The following MAX variants were observed in gnomAD, a reference collection of about 807,000 sequenced individuals.
The protein encoded by MAX is MYC associated transcriptional regulator X, also known as protein max.
MAX carries 3 observed loss-of-function variants against 22.3 expected under a neutral mutation model. The ratio of observed to expected loss-of-function variants is 0.13; its 90% confidence interval spans 0.06 to 0.35. The LOEUF is 0.35. MAX is among the 10% of genes least tolerant of loss of function. MAX has a pLI of 1.00. For missense variants in MAX, 119 were observed against 209.4 expected, an observed-to-expected ratio of 0.57 and a Z score of 2.66; for synonymous variants, 72 against 77.7, an observed-to-expected ratio of 0.93 and a Z score of 0.39.
rs2062041708 is a variant in MAX, at chr14:65,029,546, A to G, written c.172-23262T>C. On this transcript the variant is annotated intron_variant, in intron 3 of 3. Coordinates refer to the MAX transcript ENST00000341653. This position sits in a 1 kb window ranked among gnomAD's most constrained non-coding sequence, Gnocchi z 4.7. The stretch of plus-strand genomic sequence containing the variant: ...AAATCACAGTGAACTCATAGCAAGC[A>G]CTATTTTTTCTCAGTTCTTAAGAAA... 6.6e-6 allele frequency among the ~76,000 whole-genome samples: 1 copy of G among 152,228 alleles called. No homozygotes were observed. Among genetic ancestry groups the G allele is most frequent in the Admixed American group, 6.5e-5 (1 of 15,284 alleles).
intron 3 of MAX, among the ~76,000 whole-genome samples, chr14:65,091,072 T>C (rs1191910064): frequency 2.0e-5 from 3 of 152,142 alleles, no homozygotes; most frequent in African/African-American, 7.2e-5. Flanking sequence ...GAGACCCAAA[T>C]CAAAGGCTTT....
In MAX at chr14:65,088,505, T is replaced by C. The variant is rs2063405548; in HGVS notation, c.171+5203A>G. Among the ~76,000 whole-genome samples the C allele has an allele frequency of 6.6e-6, 1 of 152,236 alleles. No individual in the cohort carries two copies. On this transcript the variant is annotated intron_variant, in intron 3 of 4. Coordinates refer to ENST00000358664, the MANE Select transcript of MAX (RefSeq NM_002382.5). The surrounding 1 kb of genome is among the most constrained non-coding windows in gnomAD (Gnocchi z 5.2). ...TTAATGAGTAATGAGGAGAAGTGGA[T>C]AGGGCTATAGTTTACATTTCATTTA...
At position 65,044,998 on chromosome 14, in the gene MAX, T is replaced by C. The variant is rs1472141737; in HGVS notation, c.172-38714A>G. On this transcript the variant is annotated intron_variant, in intron 3 of 3. Coordinates refer to the MAX transcript ENST00000341653. The surrounding 1 kb of genome is among the most constrained non-coding windows in gnomAD (Gnocchi z 5.5). ...TTAGAAATGTTTTATTTTACATTCA[T>C]TGAATAAGCCTAAATGGGAGTTTGT... is the stretch of plus-strand genomic sequence containing the variant. Among the ~76,000 whole-genome samples, 5 of 152,170 alleles carry C rather than the reference T, an allele frequency of 3.3e-5. No homozygotes were observed. Among genetic ancestry groups the C allele is most frequent in the Admixed American group, 6.5e-5 (1 of 15,274 alleles).
intron 3 of MAX, among the ~76,000 whole-genome samples, chr14:65,025,554 C>T (rs1007286743): frequency 6.6e-6 from 1 of 152,168 alleles, no homozygotes; most frequent in Non-Finnish European, 1.5e-5. Flanking sequence ...ATGGCTCACA[C>T]CTGTGACCTC....
chr14:65,042,848 C>T (rs113270262), intron 3 of MAX, among the ~76,000 whole-genome samples: 7 of 152,212 alleles, frequency 4.6e-5, no homozygotes, highest in African/African-American at 1.7e-4. Context: ...TAATGCTTAG[C>T]CCACTTCCAT....
At chr14:65,063,133 G>T (rs1301294147) in intron 3 of MAX, among the ~76,000 whole-genome samples, 1 of 152,192 alleles carries the variant, frequency 6.6e-6, no homozygotes, top group African/African-American at 2.4e-5. Context: ...CTCTTGGAGG[G>T]GAGAGAAGAT....
intron 3 of MAX, among the ~76,000 whole-genome samples, chr14:65,021,012 G>C (rs2061876712): frequency 6.6e-6 from 1 of 152,170 alleles, no homozygotes; most frequent in South Asian, 2.1e-4. Flanking sequence ...TTACAGATGT[G>C]AGCCACCGCA....
At chr14:65,083,717 G>C (rs2063252947) in intron 3 of MAX, 1 of 1,050,416 alleles carries the variant, frequency 9.5e-7, no homozygotes, top group Non-Finnish European at 1.2e-6. Flanking sequence ...CATATCTGGA[G>C]GGATGAAAAA....
intron 3 of MAX, among the ~76,000 whole-genome samples, chr14:65,021,580 G>A (rs1182017135): frequency 6.6e-6 from 1 of 152,118 alleles, no homozygotes; most frequent in Non-Finnish European, 1.5e-5. Flanking sequence ...TCCTCTACAG[G>A]ACGGTCCCTG....
Position 65,092,309 on chromosome 14 carries a change from G to A in MAX, c.171+1399C>T, listed in dbSNP as rs973548801. 1.1e-4 allele frequency among the ~76,000 whole-genome samples: 17 copies of A among 152,280 alleles called. No homozygotes were observed. In the East Asian group the frequency reaches 1.7e-3, roughly 16 times the overall value. ...ACCCCTTGAGAAACACTGCCCCAGTGCCACTCCTGGTTAGGTGAGACTTAG... is the reference window on the plus strand; with the variant it reads ...ACCCCTTGAGAAACACTGCCCCAGTACCACTCCTGGTTAGGTGAGACTTAG... On this transcript the variant is annotated intron_variant, in intron 3 of 4. Coordinates refer to ENST00000358664, the MANE Select transcript of MAX (RefSeq NM_002382.5).
chr14:65,011,465 G>C lies in MAX; in HGVS notation c.172-5181C>G, dbSNP rs921653725. On this transcript the variant is annotated intron_variant, in intron 3 of 3. Transcript: ENST00000341653. The surrounding 1 kb of genome is among the most constrained non-coding windows in gnomAD (Gnocchi z 4.0). ...AAAAAAAAAAAAAGACTGCATGAAG[G>C]CTCTTACTCTGAGCCAAGTACAGTG... 6.6e-6 allele frequency among the ~76,000 whole-genome samples: 1 copy of C among 151,152 alleles called. No homozygotes were observed.
At chr14:65,046,973 G>A (rs569999485) in intron 3 of MAX, among the ~76,000 whole-genome samples, 3 of 152,044 alleles carry the variant, frequency 2.0e-5, no homozygotes, top group African/African-American at 4.8e-5. Flanking sequence ...AAAAAGGTGC[G>A]AAAAATATTT....
At chr14:65,006,619 A>G (rs1865539564) in intron 3 of MAX, among the ~76,000 whole-genome samples, 1 of 152,122 alleles carries the variant, frequency 6.6e-6, no homozygotes, top group Non-Finnish European at 1.5e-5. Context: ...TGTACCCCCG[A>G]TGACTCACCC....
chr14:65,066,961 A>G (rs2062937122), intron 3 of MAX, among the ~76,000 whole-genome samples: 1 of 151,562 alleles, frequency 6.6e-6, no homozygotes, highest in South Asian at 2.1e-4. Context: ...AGATCACTTG[A>G]ACTCAGGAGT....
chr14:65,033,499 T>C (rs2062126220), intron 3 of MAX, among the ~76,000 whole-genome samples: 1 of 152,214 alleles, frequency 6.6e-6, no homozygotes, highest in Non-Finnish European at 1.5e-5. Flanking sequence ...AGCTAGGTCT[T>C]AGATACGTGT....
intron 3 of MAX, among the ~76,000 whole-genome samples, chr14:65,024,817 CTG>C (rs1357525785): frequency 3.3e-5 from 5 of 152,162 alleles, no homozygotes; most frequent in Non-Finnish European, 7.3e-5. Context: ...TGGGGTCTCA[CTG>C]TGTTGCCCAG....
intron 3 of MAX, among the ~76,000 whole-genome samples, chr14:65,013,080 C>T (rs2061709148): frequency 6.6e-6 from 1 of 152,152 alleles, no homozygotes; most frequent in Non-Finnish European, 1.5e-5. Context: ...AGTCTTTCTG[C>T]CCTGCTTAAC....
At chr14:65,037,744 A>ATTT (rs752876214) in intron 3 of MAX, among the ~76,000 whole-genome samples, 2,305 of 58,954 alleles carry the variant, frequency 0.039, 48 homozygotes, top group South Asian at 0.053. Flanking sequence ...TTTATTTATT[A>ATTT]TTTATTTATT....
intron 3 of MAX, among the ~76,000 whole-genome samples, chr14:65,060,389 G>A (rs1221272445): frequency 1.3e-5 from 2 of 149,422 alleles, no homozygotes; most frequent in East Asian, 4.1e-4. Context: ...AGGAGTTCGA[G>A]ACCAGCCGGA....
Sources: gnomAD v4.1 joint callset for allele counts (sites outside exome capture counted in the v4.1 genomes callset) on GRCh38, gnomAD v4.1.1 for gene constraint, Gnocchi (gnomAD v3.1) non-coding constraint, MANE v1.5 for transcripts, NCBI Gene and HGNC (gene_info 2026-07-23, HGNC 2026-07-21) for gene names.